VWF: variants seen among roughly 807,000 people sequenced by gnomAD.
The protein encoded by VWF is von Willebrand factor.
Under a neutral mutation model 308.6 loss-of-function variants are expected in VWF, and 176 were observed. The observed-to-expected ratio is 0.57, with a 90% CI of 0.50 to 0.65. VWF has a LOEUF of 0.65. Ranked by LOEUF, VWF falls within the 30% of genes least tolerant of loss-of-function variation. The pLI is 0.00. For synonymous variants in VWF, 1,385 were observed against 1,443.4 expected (o/e 0.96, Z 0.92); for missense variants, 3,146 against 3,648.2 (o/e 0.86, Z 3.55).
chr12:5,992,444 G>A (rs920330849), intron 37 of VWF, among the ~76,000 whole-genome samples: 1 of 152,166 alleles, frequency 6.6e-6, no homozygotes, highest in Admixed American at 6.5e-5. Context: ...ACCCAACTGA[G>A]GGCAGAGCAA....
At chr12:6,108,411 C>G (rs1945268442) in intron 5 of VWF, among the ~76,000 whole-genome samples, 1 of 147,394 alleles carries the variant, frequency 6.8e-6, no homozygotes, top group Non-Finnish European at 1.5e-5. Flanking sequence ...GACAAATTCA[C>G]CACCATTATA....
rs369291547 is a variant in VWF, at chr12:6,018,542, C to A, written c.4876G>T (p.Val1626Leu). 2 of 1,613,866 alleles carry A rather than the reference C, an allele frequency of 1.2e-6. No homozygotes were observed. Among genetic ancestry groups the A allele is most frequent in the Non-Finnish European group, 1.7e-6 (2 of 1,179,908 alleles). The part of the protein sequence containing the change: ...IKRLPGDIQV[V>L]PIGVGPNANV... ...GCATTAGGGCCCACTCCAATGGGCA[C>A]CACCTGGATGTCTCCAGGCAGCCTC... Residue 1626 changes from valine to leucine, a missense_variant, in exon 28 of 52, where the codon GTG becomes TTG. By Grantham distance (32) the Val-to-Leu change is conservative. Around this residue, in one of 3 missense-constraint regions of VWF, gnomAD observed 853 missense variants for 1,177.8 expected, o/e 0.72. Transcript: ENST00000261405.
chr12:6,123,086 G>A, intron 2 of VWF, 56 bp downstream of exon 2: 3 of 1,605,916 alleles, frequency 1.9e-6, no homozygotes, highest in South Asian at 2.2e-5. Flanking sequence ...CCGGAAAGGT[G>A]TCACTCCAGA....
chr12:6,072,264 C>T, intron 9 of VWF, 67 bp downstream of exon 9: 1 of 1,486,482 alleles, frequency 6.7e-7, no homozygotes, highest in Non-Finnish European at 9.4e-7. Flanking sequence ...ACCACCCCTG[C>T]TGACCCAGCT....
chr12:6,021,755 A>G, intron 27 of VWF, 145 bp downstream of exon 27: 3 of 1,043,954 alleles, frequency 2.9e-6, no homozygotes, highest in Non-Finnish European at 4.2e-6. Context: ...ACATTAAATA[A>G]TGAATTAAAT....
Position 6,011,756 on chromosome 12 carries a change from G to A in VWF, c.5703C>T (p.Thr1901=), listed in dbSNP as rs779743771. 143 of 1,613,208 alleles carry A rather than the reference G, an allele frequency of 8.9e-5. No individual in the cohort carries two copies. Among genetic ancestry groups the A allele is most frequent in the Non-Finnish European group, 1.1e-4 (131 of 1,179,614 alleles). ...DVWTLPDQCH[T]VTCQPDGQTL... Reference sequence around the variant, plus strand: ...TCTGGCCATCTGGCTGGCAAGTCACGGTGTGGCACTGGTCTGGCAAGGTCC... The same window carrying A: ...TCTGGCCATCTGGCTGGCAAGTCACAGTGTGGCACTGGTCTGGCAAGGTCC... The change falls in exon 34 of 52, where the codon ACC becomes ACT. Residue 1901 remains threonine, a synonymous_variant. Transcript: ENST00000261405.
At chr12:6,112,361 G>C (rs1421162584) in intron 3 of VWF, among the ~76,000 whole-genome samples, 1 of 152,056 alleles carries the variant, frequency 6.6e-6, no homozygotes, top group African/African-American at 2.4e-5. Context: ...ACTCGTGGTG[G>C]GTCTTTGATA....
intron 47 of VWF, among the ~76,000 whole-genome samples, chr12:5,955,393 G>C (rs1943236640): frequency 6.8e-6 from 1 of 147,388 alleles, no homozygotes; most frequent in Non-Finnish European, 1.5e-5. Flanking sequence ...CCAGTCCCCA[G>C]AGTGTGATGT....
intron 34 of VWF, among the ~76,000 whole-genome samples, chr12:5,999,937 G>A (rs216802): frequency 0.56 from 85,417 of 151,302 alleles, 24,332 homozygotes; most frequent in East Asian, 0.75. Flanking sequence ...ATCAAAATAA[G>A]AATTTAATAA....
chr12:5,991,197 A>ATG (rs1565821762), intron 38 of VWF, among the ~76,000 whole-genome samples: 1 of 138,826 alleles, frequency 7.2e-6, no homozygotes, highest in Non-Finnish European at 1.6e-5. Context: ...ACACACACAC[A>ATG]CACACACACG....
intron 44 of VWF, among the ~76,000 whole-genome samples, chr12:5,970,741 C>A (rs1040541222): frequency 1.3e-5 from 2 of 152,152 alleles, no homozygotes; most frequent in Admixed American, 1.3e-4. Flanking sequence ...AGATAGCAGA[C>A]CTTTGGCCTT....
chr12:6,110,722 G>A, intron 4 of VWF, 140 bp from the exon 5 acceptor site: 1 of 1,285,586 alleles, frequency 7.8e-7, no homozygotes, highest in Non-Finnish European at 1.1e-6. Flanking sequence ...GCAATCGGGA[G>A]AGCTGGCTCT....
intron 6 of VWF, among the ~76,000 whole-genome samples, chr12:6,077,454 C>T (rs927466881): frequency 2.0e-5 from 3 of 152,224 alleles, no homozygotes; most frequent in African/African-American, 7.2e-5. Context: ...AGCCCCTCCA[C>T]GGCCCTGCCT....
chr12:6,005,457 A>T (rs1943915220), intron 34 of VWF, among the ~76,000 whole-genome samples: 2 of 152,230 alleles, frequency 1.3e-5, no homozygotes, highest in South Asian at 4.1e-4. Flanking sequence ...TTAAAACCCA[A>T]TGGAAAGTAG....
chr12:6,080,380 T>C (rs1944896874), intron 6 of VWF, among the ~76,000 whole-genome samples: 1 of 152,238 alleles, frequency 6.6e-6, no homozygotes, highest in South Asian at 2.1e-4. Context: ...ATGGGGATGT[T>C]TGCCTAACAG....
rs1484452122 is a variant in VWF at position 6,024,237 on chromosome 12, G to A, written c.3223-450C>T. On this transcript the variant is annotated intron_variant, in intron 24 of 51. Coordinates refer to ENST00000261405, the MANE Select transcript of VWF (RefSeq NM_000552.5). This position sits in a 1 kb window ranked among gnomAD's most constrained non-coding sequence, Gnocchi z 4.0. Reference sequence around the variant, plus strand: ...GGGAAATACATCAGGCCCTGCAGCTGCCTCACTGCAGTGCTATGGGGCAGG... The same window carrying A: ...GGGAAATACATCAGGCCCTGCAGCTACCTCACTGCAGTGCTATGGGGCAGG... 2.0e-5 allele frequency among the ~76,000 whole-genome samples: 3 copies of A among 152,238 alleles called. No individual in the cohort carries two copies. The highest frequency in any genetic ancestry group is 7.2e-5 in the African/African-American group (3 of 41,458).
At chr12:5,956,780 T>C (rs1943256585) in intron 47 of VWF, among the ~76,000 whole-genome samples, 1 of 152,182 alleles carries the variant, frequency 6.6e-6, no homozygotes, top group Non-Finnish European at 1.5e-5. Flanking sequence ...ATTACAAGAA[T>C]CAAAAAGCTT....
At chr12:5,970,514 C>A (rs1295768763) in intron 44 of VWF, among the ~76,000 whole-genome samples, 1 of 152,130 alleles carries the variant, frequency 6.6e-6, no homozygotes, top group African/African-American at 2.4e-5. Context: ...GACCTTGACC[C>A]TGGGGAGAAG....
intron 34 of VWF, among the ~76,000 whole-genome samples, chr12:6,005,986 A>T (rs1591855044): frequency 1.0e-5 from 1 of 96,394 alleles, no homozygotes; most frequent in Non-Finnish European, 2.3e-5. Flanking sequence ...TATAATGACA[A>T]TGTGTAAATC....
Sources: allele counts gnomAD v4.1 joint callset (sites outside exome capture counted in the v4.1 genomes callset), GRCh38; gene constraint gnomAD v4.1.1; regional missense constraint gnomAD v4.1.1; non-coding constraint Gnocchi (gnomAD v3.1); transcripts MANE v1.5; gene names NCBI Gene and HGNC (gene_info 2026-07-23, HGNC 2026-07-21).